UBASH3B: variants seen among roughly 807,000 people sequenced by gnomAD.
UBASH3B encodes ubiquitin associated and SH3 domain containing B.
UBASH3B carries 37 observed loss-of-function variants against 83.4 expected under a neutral mutation model. The ratio of observed to expected loss-of-function variants is 0.44; its 90% confidence interval spans 0.34 to 0.58. The LOEUF is 0.58. UBASH3B is among the 20% of genes least tolerant of loss of function. The probability of loss-of-function intolerance (pLI) is 0.01; values close to 1 mark genes in which losing one functional copy is unlikely to be tolerated. For synonymous variants in UBASH3B, 304 were observed against 318.3 expected (o/e 0.96, Z 0.48); for missense variants, 657 against 827.2 (o/e 0.79, Z 2.52).
intron 1 of UBASH3B, among the ~76,000 whole-genome samples, chr11:122,755,378 G>A (rs545941957): frequency 2.0e-5 from 3 of 152,256 alleles, no homozygotes; most frequent in Admixed American, 6.5e-5. Flanking sequence ...CTGTGGAAAA[G>A]ACTTGAACAT....
chr11:122,721,478 C>T lies in UBASH3B; in HGVS notation c.162-54741C>T, dbSNP rs903801337. Reference sequence around the variant, plus strand: ...TATTTACCACACCAGGATTTCAGCTCTAGCTCAAAGCTTGCTTAAGGATAT... The same window carrying T: ...TATTTACCACACCAGGATTTCAGCTTTAGCTCAAAGCTTGCTTAAGGATAT... On this transcript the variant is annotated intron_variant, in intron 1 of 13. Coordinates refer to ENST00000284273, the MANE Select transcript of UBASH3B (RefSeq NM_032873.5). 2.0e-5 allele frequency among the ~76,000 whole-genome samples: 3 copies of T among 152,154 alleles called. No individual in the cohort carries two copies. In the South Asian group the frequency reaches 6.2e-4, roughly 32 times the overall value.
intron 4 of UBASH3B, chr11:122,782,562 A>C (rs990220293): frequency 2.6e-5 from 4 of 153,244 alleles, no homozygotes; most frequent in African/African-American, 9.7e-5. Flanking sequence ...GAAACCCTGC[A>C]TTAAACTTTG....
At chr11:122,726,673 G>A (rs991446625) in intron 1 of UBASH3B, among the ~76,000 whole-genome samples, 1 of 152,082 alleles carries the variant, frequency 6.6e-6, no homozygotes, top group African/African-American at 2.4e-5. Flanking sequence ...TGAGCAAATG[G>A]GATCATAGAT....
chr11:122,705,454 TAAAAA>T (rs60998227), intron 1 of UBASH3B, among the ~76,000 whole-genome samples: 2 of 59,544 alleles, frequency 3.4e-5, no homozygotes, highest in Non-Finnish European at 7.1e-5. Context: ...TCGAAAAACA[TAAAAA>T]AAAAAAAAAA....
intron 1 of UBASH3B, among the ~76,000 whole-genome samples, chr11:122,674,732 T>G (rs1453831344): frequency 1.4e-5 from 2 of 147,702 alleles, no homozygotes; most frequent in African/African-American, 5.0e-5. Flanking sequence ...TAGTTTTTTT[T>G]TTTTTTTTTT....
At chr11:122,754,834 C>T (rs958702323) in intron 1 of UBASH3B, among the ~76,000 whole-genome samples, 2 of 152,192 alleles carry the variant, frequency 1.3e-5, no homozygotes, top group African/African-American at 2.4e-5. Flanking sequence ...TTTCATTTTT[C>T]ATGACCCCTG....
chr11:122,748,703 C>G (rs992141128), intron 1 of UBASH3B, among the ~76,000 whole-genome samples: 6 of 152,152 alleles, frequency 3.9e-5, no homozygotes, highest in African/African-American at 4.8e-5. Context: ...AGTGTCCATC[C>G]AAGGGTCGCA....
intron 2 of UBASH3B, 118 bp from the exon 3 acceptor site, chr11:122,776,906 C>G (rs978264915): frequency 8.9e-5 from 81 of 912,408 alleles, no homozygotes; most frequent in Admixed American, 3.0e-5. Flanking sequence ...GAATGAAAAC[C>G]CTTCCCCGCG....
intron 1 of UBASH3B, among the ~76,000 whole-genome samples, chr11:122,773,849 G>A (rs1423997661): frequency 2.0e-5 from 3 of 152,064 alleles, no homozygotes; most frequent in African/African-American, 4.8e-5. Context: ...AATTTCACTC[G>A]GATATATTTC....
chr11:122,675,971 CA>C (rs1863662872), intron 1 of UBASH3B, among the ~76,000 whole-genome samples: 1 of 152,214 alleles, frequency 6.6e-6, no homozygotes, highest in African/African-American at 2.4e-5. Flanking sequence ...TTCCATTTTA[CA>C]AATGAGAAAA....
chr11:122,685,027 C>T (rs903126652), intron 1 of UBASH3B, among the ~76,000 whole-genome samples: 12 of 152,192 alleles, frequency 7.9e-5, no homozygotes, highest in Admixed American at 2.0e-4. Flanking sequence ...CATATCTTCA[C>T]GGGCCGCGGG....
At chr11:122,743,137 G>C (rs1443836607) in intron 1 of UBASH3B, among the ~76,000 whole-genome samples, 1 of 152,188 alleles carries the variant, frequency 6.6e-6, no homozygotes, top group African/African-American at 2.4e-5. Context: ...GTGGGAGATA[G>C]GAGTTATGAC....
At chr11:122,745,915 G>A (rs1861110611) in intron 1 of UBASH3B, among the ~76,000 whole-genome samples, 1 of 152,190 alleles carries the variant, frequency 6.6e-6, no homozygotes, top group African/African-American at 2.4e-5. Flanking sequence ...ACAGCATTAC[G>A]ATTATTTGCT....
intron 1 of UBASH3B, among the ~76,000 whole-genome samples, chr11:122,719,944 G>A (rs1860593824): frequency 6.6e-6 from 1 of 152,130 alleles, no homozygotes; most frequent in African/African-American, 2.4e-5. Flanking sequence ...TCCTCCTACT[G>A]CAGTGCCTGC....
At position 122,811,264 on chromosome 11, in the gene UBASH3B, T is replaced by C. The variant is rs1253848527; in HGVS notation, c.*1378T>C. 6.6e-6 allele frequency: 1 copy of C among 152,650 alleles called. No individual in the cohort carries two copies. The highest frequency in any genetic ancestry group is 2.4e-5 in the African/African-American group (1 of 41,448). The allele number at this position is 152,650 out of a possible 1,614,324, so 9.5% of individuals were successfully genotyped here. A position where few individuals can be genotyped will look rare whatever the true frequency, so the allele number is the denominator to read the frequency against. ...GGTATAGTTCACTCTGTAGAAGATG[T>C]ATGCAAAGTGAAATGCCAGCCCTTT... On this transcript the variant is annotated 3_prime_UTR_variant, in exon 14 of 14. Coordinates refer to ENST00000284273, the MANE Select transcript of UBASH3B (RefSeq NM_032873.5).
At chr11:122,771,441 A>G (rs1860640932) in intron 1 of UBASH3B, among the ~76,000 whole-genome samples, 1 of 152,070 alleles carries the variant, frequency 6.6e-6, no homozygotes, top group Non-Finnish European at 1.5e-5. Context: ...GGGTTTCACC[A>G]TGTTGGTCAG....
At chr11:122,690,178 A>ATCCAAT (rs1863866076) in intron 1 of UBASH3B, among the ~76,000 whole-genome samples, 2 of 29,680 alleles carry the variant, frequency 6.7e-5, no homozygotes, top group Non-Finnish European at 1.5e-4. Flanking sequence ...ATATATATAT[A>ATCCAAT]TATATATATA....
intron 1 of UBASH3B, among the ~76,000 whole-genome samples, chr11:122,692,270 TTG>T (rs1009325854): frequency 2.0e-5 from 3 of 152,174 alleles, no homozygotes; most frequent in African/African-American, 7.2e-5. Context: ...CCAGGGACTT[TTG>T]GGATTGCTAA....
chr11:122,754,410 A>G (rs1451590488), intron 1 of UBASH3B, among the ~76,000 whole-genome samples: 1 of 152,154 alleles, frequency 6.6e-6, no homozygotes, highest in African/African-American at 2.4e-5. Context: ...GAGGATCCCA[A>G]CCTGTATTAC....
Sources: allele counts gnomAD v4.1 joint callset (sites outside exome capture counted in the v4.1 genomes callset), GRCh38; gene constraint gnomAD v4.1.1; transcripts MANE v1.5; gene names NCBI Gene and HGNC (gene_info 2026-07-23, HGNC 2026-07-21).